AHCTF1: variants seen among roughly 807,000 people sequenced by gnomAD.
AHCTF1 encodes the protein AT-hook containing transcription factor 1.
Under a neutral mutation model 248.4 loss-of-function variants are expected in AHCTF1, and 24 were observed. The ratio of observed to expected loss-of-function variants is 0.10; its 90% CI spans 0.07 to 0.14. AHCTF1 has a LOEUF of 0.14. Ranked by LOEUF, AHCTF1 falls within the 10% of genes least tolerant of loss-of-function variation. The pLI is 1.00. For synonymous variants in AHCTF1, 786 were observed against 929.8 expected (o/e 0.85, Z 2.81); for missense variants, 2,206 against 2,636.2 (o/e 0.84, Z 3.57).
At chr1:246,892,949 A>C (rs1664322692) in intron 14 of AHCTF1, among the ~76,000 whole-genome samples, 1 of 152,116 alleles carries the variant, frequency 6.6e-6, no homozygotes, top group South Asian at 2.1e-4. Context: ...CCTAATCTCT[A>C]ATACTTTTAA....
chr1:246,844,261 C>T (rs983939369), intron 33 of AHCTF1, among the ~76,000 whole-genome samples: 3 of 152,172 alleles, frequency 2.0e-5, no homozygotes, highest in Non-Finnish European at 4.4e-5. Context: ...GGAGGGAAAG[C>T]ATTAATCCTA....
chr1:246,902,775 A>G, intron 7 of AHCTF1, 100 bp from the exon 8 acceptor site: 1 of 1,197,592 alleles, frequency 8.4e-7, no homozygotes, highest in Non-Finnish European at 1.1e-6. Flanking sequence ...ACACAATACA[A>G]AGAAAACAAT....
At chr1:246,897,813 T>G (rs1664695690) in intron 12 of AHCTF1, among the ~76,000 whole-genome samples, 1 of 151,680 alleles carries the variant, frequency 6.6e-6, no homozygotes, top group Admixed American at 6.6e-5. Context: ...AGACCCTGTC[T>G]CTACCAAAAA....
chr1:246,842,631 G>T (rs1170770603), intron 35 of AHCTF1, 63 bp downstream of exon 35: 2 of 1,322,416 alleles, frequency 1.5e-6, no homozygotes, highest in Non-Finnish European at 2.1e-6. Context: ...GGATAGTAGG[G>T]TGGGGACAGA....
intron 28 of AHCTF1, 114 bp from the exon 29 acceptor site, chr1:246,861,409 C>A: frequency 1.0e-6 from 1 of 977,712 alleles, no homozygotes; most frequent in Middle Eastern, 3.3e-4. Flanking sequence ...TACCCAAATT[C>A]TCTCCTTAAT....
intron 21 of AHCTF1, among the ~76,000 whole-genome samples, chr1:246,880,864 C>T (rs529765839): frequency 7.9e-5 from 12 of 152,138 alleles, no homozygotes; most frequent in African/African-American, 2.9e-4. Flanking sequence ...AATAATGATG[C>T]TAGGAAGAAC....
Position 246,864,691 on chromosome 1 carries a change from T to C in AHCTF1, c.3348-575A>G, listed in dbSNP as rs1215178363. On this transcript the variant is annotated intron_variant, in intron 26 of 35. Transcript: ENST00000648844. ...TCTACTAAAAATACAAAAAAAAAAA[T>C]TAGCCGGGCGCGGTGGCGGGCGCCT... Among the ~76,000 whole-genome samples, 2 of 68,904 alleles carry C rather than the reference T, an allele frequency of 2.9e-5. 1 individual carries two copies. 45.2% of individuals were successfully genotyped at this position (68,904 alleles called of 152,430 possible).
chr1:246,874,639 A>G (rs1662815181), intron 24 of AHCTF1, among the ~76,000 whole-genome samples: 1 of 152,008 alleles, frequency 6.6e-6, no homozygotes, highest in African/African-American at 2.4e-5. Context: ...TACGTCTTGA[A>G]CCTCTCAATA....
chr1:246,912,111 T>C (rs1377430038), intron 4 of AHCTF1, among the ~76,000 whole-genome samples: 1 of 152,076 alleles, frequency 6.6e-6, no homozygotes, highest in Non-Finnish European at 1.5e-5. Flanking sequence ...CATAAAATGT[T>C]GATAGTTTGT....
Position 246,849,854 on chromosome 1 carries a change from T to A in AHCTF1, c.6152A>T (p.Lys2051Met), listed in dbSNP as rs1186691713. The A allele has an allele frequency of 1.2e-6, 2 of 1,613,858 alleles. No homozygotes were observed. The highest frequency in any genetic ancestry group is 2.7e-5 in the African/African-American group (2 of 75,010). ...VMSSKKKLTKKTESQSQKRSL... is the reference protein window; with the variant it reads ...VMSSKKKLTKMTESQSQKRSL... ...ACGTTTTTGGCTTTGACTTTCAGTC[T>A]TTTTTGTAAGTTTTTTCTTAGAGCT... The change falls in exon 33 of 36, where the codon AAG (lysine) becomes ATG (methionine). Residue 2051 changes from lysine (K) to methionine (M), a missense_variant. Lys to Met is a moderately conservative substitution (Grantham distance 95). Coordinates refer to ENST00000648844, the MANE Select transcript of AHCTF1 (RefSeq NM_001323342.2).
At position 246,863,872 on chromosome 1, in the gene AHCTF1, A is replaced by C. The variant is rs1661753114; in HGVS notation, c.3540+52T>G. 1.9e-6 allele frequency: 3 copies of C among 1,563,970 alleles called. No individual in the cohort carries two copies. The African/African-American group carries it at 4.1e-5, about 21-fold the overall frequency. ...GCTTATTTTTCTCCTTGCTACTTGA[A>C]AAGTAAGAGCCATCTAGTTTGATTG... On this transcript the variant is annotated intron_variant, in intron 27 of 35. Transcript: ENST00000648844.
In AHCTF1 at chr1:246,916,272, G is replaced by A. The variant is rs765747691; in HGVS notation, c.245C>T (p.Ala82Val). ...CTTCTGCCAAGAGAATTCTTTCACA[G>A]CTAAAACTACAGGAGGCTGTTCATT... ...GVNEQPPVVL[A>V]VKEFSWQKRT... The change falls in exon 3 of 36, where the codon GCT becomes GTT. Residue 82 changes from alanine to valine, a missense_variant. Coordinates refer to ENST00000648844, the MANE Select transcript of AHCTF1 (RefSeq NM_001323342.2). 1.2e-6 allele frequency: 2 copies of A among 1,609,770 alleles called. No individual in the cohort carries two copies. Among genetic ancestry groups the A allele is most frequent in the African/African-American group, 2.7e-5 (2 of 74,732 alleles).
intron 34 of AHCTF1, 151 bp downstream of exon 34, chr1:246,843,644 G>A (rs2103028158): frequency 1.5e-6 from 1 of 651,200 alleles, no homozygotes; most frequent in East Asian, 5.6e-5. Flanking sequence ...TTGGCTTTTG[G>A]TATGCATGAC....
At position 246,857,869 on chromosome 1, in the gene AHCTF1, A is replaced by G. The variant is rs142302349; in HGVS notation, c.4133-55T>C. The G allele has an allele frequency of 1.8e-5, 27 of 1,487,590 alleles. No homozygotes were observed. The African/African-American group carries it at 2.4e-4, about 13-fold the overall frequency. 92.1% of individuals were successfully genotyped at this position (1,487,590 alleles called of 1,614,324 possible). ...TATGCTAAATATTTAGTGATTACTGATAGTCTTGCATTATTACTTTTTAAA... is the reference window on the plus strand; with the variant it reads ...TATGCTAAATATTTAGTGATTACTGGTAGTCTTGCATTATTACTTTTTAAA... On this transcript the variant is annotated intron_variant, in intron 29 of 35. Coordinates refer to ENST00000648844, the MANE Select transcript of AHCTF1 (RefSeq NM_001323342.2).
chr1:246,873,832 T>C (rs1038790949), intron 24 of AHCTF1, among the ~76,000 whole-genome samples: 6 of 152,176 alleles, frequency 3.9e-5, no homozygotes, highest in Non-Finnish European at 8.8e-5. Flanking sequence ...CACAAAAACG[T>C]TCCCTGTGTC....
chr1:246,880,159 T>C (rs12752855), intron 21 of AHCTF1, among the ~76,000 whole-genome samples: 35,886 of 151,798 alleles, frequency 0.24, 4,410 homozygotes, highest in East Asian at 0.31. Flanking sequence ...CACTGTGTCA[T>C]CATTCTTAGC....
chr1:246,894,614 T>G, intron 14 of AHCTF1, 45 bp downstream of exon 14: 7 of 1,450,728 alleles, frequency 4.8e-6, no homozygotes, highest in Non-Finnish European at 6.7e-6. Flanking sequence ...AAGGTTAGTA[T>G]TTTAATATTA....
Position 246,885,538 on chromosome 1 carries a change from C to T in AHCTF1, c.2615G>A (p.Ser872Asn), listed in dbSNP as rs751388025. ...YIQTMKPTVS[S>N]GNDVILHLTV... ...GAGGTGAAGGATAACATCGTTACCA[C>T]TGGACACTGTTGGCTTCATTGTCTG... Residue 872 changes from serine to asparagine, a missense_variant, in exon 21 of 36, where the codon AGT (serine) becomes AAT (asparagine). By Grantham distance (46) the Ser-to-Asn change is conservative. Around this residue, in one of 6 missense-constraint regions of AHCTF1, gnomAD observed 650 missense variants for 870.8 expected, o/e 0.75. Coordinates refer to ENST00000648844, the MANE Select transcript of AHCTF1 (RefSeq NM_001323342.2). 3 of 1,609,794 alleles carry T rather than the reference C, an allele frequency of 1.9e-6. No homozygotes were observed. In the African/African-American group the frequency reaches 4.0e-5, roughly 22 times the overall value.
At chr1:246,865,282 G>A (rs1030326133) in intron 26 of AHCTF1, 1 of 152,182 alleles carries the variant, frequency 6.6e-6, no homozygotes, top group Non-Finnish European at 1.5e-5. Flanking sequence ...AGGAGAGTAT[G>A]CTTTGGAGCC....
Sources: gnomAD v4.1 joint callset for allele counts (sites outside exome capture counted in the v4.1 genomes callset) on GRCh38, gnomAD v4.1.1 for gene constraint, gnomAD v4.1.1 regional missense constraint, MANE v1.5 for transcripts, NCBI Gene and HGNC (gene_info 2026-07-23, HGNC 2026-07-21) for gene names.